RBFOX1: variants seen among roughly 807,000 people sequenced by gnomAD.
RBFOX1 encodes the protein RNA binding protein fox-1 homolog 1.
In RBFOX1, 8 loss-of-function variants were observed where a neutral mutation model predicts 57.7. The ratio of observed to expected loss-of-function variants is 0.14; its 90% confidence interval spans 0.08 to 0.25. The LOEUF is 0.25. RBFOX1 is among the 10% of genes least tolerant of loss of function. The pLI, the probability that RBFOX1 is intolerant of heterozygous loss-of-function variation, is 1.00. For missense variants in RBFOX1, 611 were observed against 548.5 expected, an observed-to-expected ratio of 1.11 and a Z score of -1.14; for synonymous variants, 326 against 222.4, an observed-to-expected ratio of 1.47 and a Z score of -4.15.
At chr16:5,800,871 C>T (rs76431723) in intron 3 of RBFOX1, among the ~76,000 whole-genome samples, 1,785 of 152,130 alleles carry the variant, frequency 0.012, 36 homozygotes, top group African/African-American at 0.04. Context: ...GGGAGGCGGT[C>T]CTAGGGCAAA....
At chr16:6,437,092 C>A (rs1407307537) in intron 2 of RBFOX1, among the ~76,000 whole-genome samples, 1 of 152,106 alleles carries the variant, frequency 6.6e-6, no homozygotes, top group Non-Finnish European at 1.5e-5. Context: ...ACTTAAAAAC[C>A]AAATTAATAG....
intron 4 of RBFOX1, among the ~76,000 whole-genome samples, chr16:7,447,027 T>C (rs1328333725): frequency 6.6e-6 from 1 of 151,702 alleles, no homozygotes; most frequent in East Asian, 2.0e-4. Flanking sequence ...TTAGCCAGGA[T>C]GGTCTTGATC....
chr16:7,261,573 G>A (rs372736333), intron 4 of RBFOX1, among the ~76,000 whole-genome samples: 40 of 152,240 alleles, frequency 2.6e-4, no homozygotes, highest in Admixed American at 1.5e-3. Context: ...TCATCAAACC[G>A]TGCTTTAAAG....
chr16:5,320,984 C>T (rs1330025623), intron 1 of RBFOX1, among the ~76,000 whole-genome samples: 1 of 152,184 alleles, frequency 6.6e-6, no homozygotes, highest in Admixed American at 6.5e-5. Context: ...GCTCTTCTGT[C>T]TATAGTCAGA....
rs527875889 is a variant in RBFOX1, at chr16:7,695,713, G to A, written c.996-13343G>A. Among the ~76,000 whole-genome samples, 2 of 149,784 alleles carry A rather than the reference G, an allele frequency of 1.3e-5. 1 individual carries two copies. The highest frequency in any genetic ancestry group is 3.0e-5 in the Non-Finnish European group (2 of 67,704). On this transcript the variant is annotated intron_variant, in intron 14 of 15. Transcript: ENST00000550418. ...TACCCACATTCTAAACAGCACTACT[G>A]TAATGAGCTCTCACCTCCTTATAAA...
intron 1 of RBFOX1, among the ~76,000 whole-genome samples, chr16:6,046,599 A>C (rs1241488119): frequency 6.8e-6 from 1 of 146,708 alleles, no homozygotes; most frequent in Non-Finnish European, 1.5e-5. Flanking sequence ...AGAAAAGTAG[A>C]TACCAAGGGA....
At chr16:6,527,888 C>G (rs772032707) in intron 2 of RBFOX1, among the ~76,000 whole-genome samples, 11 of 152,112 alleles carry the variant, frequency 7.2e-5, no homozygotes, top group Non-Finnish European at 1.0e-4. Context: ...AGTGACCACA[C>G]CCCTCAGTCA....
intron 4 of RBFOX1, among the ~76,000 whole-genome samples, chr16:7,188,259 G>C (rs2084419939): frequency 1.3e-5 from 2 of 152,198 alleles, no homozygotes; most frequent in Non-Finnish European, 2.9e-5. Flanking sequence ...TGGCTGCAGA[G>C]ATGGAAAAGT....
intron 13 of RBFOX1, among the ~76,000 whole-genome samples, chr16:7,669,240 C>A (rs1411043998): frequency 3.3e-5 from 5 of 152,084 alleles, no homozygotes; most frequent in Non-Finnish European, 7.3e-5. Flanking sequence ...AGAAGTTGAC[C>A]AAGGAGTGGA....
chr16:5,585,850 G>T (rs1349789824), intron 2 of RBFOX1, among the ~76,000 whole-genome samples: 2 of 152,098 alleles, frequency 1.3e-5, no homozygotes, highest in Non-Finnish European at 2.9e-5. Flanking sequence ...CAAAATTCTT[G>T]GCATTTTTTT....
intron 3 of RBFOX1, among the ~76,000 whole-genome samples, chr16:6,989,345 A>T (rs570598202): frequency 5.9e-5 from 9 of 152,332 alleles, no homozygotes; most frequent in African/African-American, 1.9e-4. Flanking sequence ...TATCTGTATC[A>T]GTCTGTCTTT....
At chr16:6,831,494 G>C (rs2092706163) in intron 3 of RBFOX1, among the ~76,000 whole-genome samples, 1 of 152,188 alleles carries the variant, frequency 6.6e-6, no homozygotes, top group East Asian at 1.9e-4. Flanking sequence ...CATTTACTTA[G>C]CCTAATATAT....
chr16:6,641,215 G>C (rs1031468402), intron 2 of RBFOX1, among the ~76,000 whole-genome samples: 1 of 152,136 alleles, frequency 6.6e-6, no homozygotes, highest in Non-Finnish European at 1.5e-5. Flanking sequence ...GCTTCACCGA[G>C]GTTCAAATCA....
At chr16:6,984,311 C>T (rs1279349337) in intron 3 of RBFOX1, among the ~76,000 whole-genome samples, 2 of 152,082 alleles carry the variant, frequency 1.3e-5, no homozygotes, top group Admixed American at 6.6e-5. Context: ...GAAATTTGAC[C>T]AGCCCTTTGA....
At chr16:6,828,592 C>T (rs1023460312) in intron 3 of RBFOX1, among the ~76,000 whole-genome samples, 2 of 151,704 alleles carry the variant, frequency 1.3e-5, no homozygotes, top group South Asian at 2.1e-4. Flanking sequence ...CCTGAAAAAC[C>T]GGGCATGGAC....
intron 4 of RBFOX1, among the ~76,000 whole-genome samples, chr16:7,257,627 C>G (rs1048524003): frequency 6.6e-6 from 1 of 152,166 alleles, no homozygotes. Flanking sequence ...AACTGCTCTT[C>G]CAAAGTGAGA....
chr16:5,473,381 T>G (rs151065964), intron 2 of RBFOX1, among the ~76,000 whole-genome samples: 2,543 of 152,228 alleles, frequency 0.017, 30 homozygotes, highest in Middle Eastern at 0.034. Flanking sequence ...TCTTTTTAAT[T>G]ACTTTCTGTA....
At chr16:6,437,461 A>G (rs1387475158) in intron 2 of RBFOX1, among the ~76,000 whole-genome samples, 1 of 152,042 alleles carries the variant, frequency 6.6e-6, no homozygotes, top group Non-Finnish European at 1.5e-5. Context: ...ACCTAATTTG[A>G]CAATTAAATG....
At position 7,577,702 on chromosome 16, in the gene RBFOX1, A is replaced by G. The variant is rs543758553; in HGVS notation, c.271-2075A>G. 2.0e-5 allele frequency among the ~76,000 whole-genome samples: 3 copies of G among 152,318 alleles called. No individual in the cohort carries two copies. The South Asian group carries it at 6.2e-4, about 32-fold the overall frequency. The stretch of plus-strand genomic sequence containing the variant: ...GAGGATCACTTGAGGCCAGAGGTTC[A>G]AGACCAGCCTGGGCAACTTAGTGTG... On this transcript the variant is annotated intron_variant, in intron 5 of 15. Transcript: ENST00000550418.
Sources: allele counts gnomAD v4.1 joint callset (sites outside exome capture counted in the v4.1 genomes callset), GRCh38; gene constraint gnomAD v4.1.1; transcripts MANE v1.5; gene names NCBI Gene and HGNC (gene_info 2026-07-23, HGNC 2026-07-21).